ZNF519: variants seen among roughly 807,000 people sequenced by gnomAD.
ZNF519 encodes the protein similar to Zinc finger protein 85 (Zinc finger protein HPF4) (HTF1).
Under a neutral mutation model 7.4 loss-of-function variants are expected in ZNF519, and 7 were observed. The observed-to-expected ratio is 0.94, with a 90% confidence interval of 0.54 to 1.77. ZNF519 has a LOEUF of 1.77. Ranked by LOEUF, ZNF519 falls within the 40% of genes most tolerant of loss-of-function variation. The pLI is 0.00. For synonymous variants in ZNF519, 179 were observed against 203.3 expected, an observed-to-expected ratio of 0.88 and a Z score of 1.02; for missense variants, 586 against 623.1, an observed-to-expected ratio of 0.94 and a Z score of 0.63.
rs1012650441 is a variant in ZNF519, at chr18:14,132,388, A to G, written c.-111T>C. The G allele has an allele frequency of 5.0e-6, 7 of 1,391,850 alleles. No individual in the cohort carries two copies. The Admixed American group carries it at 7.1e-5, about 14-fold the overall frequency. The allele number at this position is 1,391,850 out of a possible 1,614,324, so 86.2% of individuals were successfully genotyped here. On this transcript the variant is annotated 5_prime_UTR_variant, in exon 1 of 3. Transcript: ENST00000590202. ...TCACCGAAGTCTCCCGGAGCAGAGG[A>G]CACAAGGCAATGAAGCCCTAACCCC... is the stretch of plus-strand genomic sequence containing the variant.
Position 14,117,689 on chromosome 18 carries a change from C to T in ZNF519, c.130+6661G>A, listed in dbSNP as rs537929642. The stretch of plus-strand genomic sequence containing the variant: ...AGCATAGCAGCTTCTGCTTCTGTGT[C>T]GGCCTCAAAAAGCTTCCAATCACAG... On this transcript the variant is annotated intron_variant, in intron 2 of 2. Coordinates refer to ENST00000590202, the MANE Select transcript of ZNF519 (RefSeq NM_145287.4). 2.3e-4 allele frequency among the ~76,000 whole-genome samples: 35 copies of T among 152,218 alleles called. 1 individual carries two copies. The highest frequency in any genetic ancestry group is 5.8e-4 in the African/African-American group (24 of 41,508).
intron 2 of ZNF519, among the ~76,000 whole-genome samples, chr18:14,113,194 T>C (rs955940977): frequency 6.6e-6 from 1 of 152,186 alleles, no homozygotes; most frequent in South Asian, 2.1e-4. Flanking sequence ...AAATAAATCT[T>C]TGAACCCCCA....
chr18:14,129,709 C>A (rs907804238), intron 1 of ZNF519, among the ~76,000 whole-genome samples: 1 of 152,160 alleles, frequency 6.6e-6, no homozygotes, highest in African/African-American at 2.4e-5. Flanking sequence ...CAGCATAGAT[C>A]CCACAAGTTC....
intron 2 of ZNF519, among the ~76,000 whole-genome samples, chr18:14,117,245 GAGTA>G (rs1389351505): frequency 2.6e-5 from 4 of 152,178 alleles, no homozygotes; most frequent in Admixed American, 6.5e-5. Flanking sequence ...CAACAACAAA[GAGTA>G]AGTAACATGA....
At chr18:14,130,265 A>G (rs1210676384) in intron 1 of ZNF519, among the ~76,000 whole-genome samples, 2 of 151,508 alleles carry the variant, frequency 1.3e-5, no homozygotes, top group Non-Finnish European at 2.9e-5. Context: ...TCAACATTCA[A>G]TCTCTCTTTA....
intron 2 of ZNF519, among the ~76,000 whole-genome samples, chr18:14,091,527 G>C (rs1163866800): frequency 6.6e-6 from 1 of 152,174 alleles, no homozygotes; most frequent in East Asian, 1.9e-4. Flanking sequence ...GGGGGTACAG[G>C]AGTAACATGA....
chr18:14,085,856 C>T (rs1210622213), intron 2 of ZNF519, among the ~76,000 whole-genome samples: 1 of 152,218 alleles, frequency 6.6e-6, no homozygotes, highest in Non-Finnish European at 1.5e-5. Context: ...AAACTGCAGC[C>T]CCAATAGGAC....
downstream of ZNF519, among the ~76,000 whole-genome samples, chr18:14,098,200 G>A (rs1417230601): frequency 1.4e-5 from 2 of 143,198 alleles, no homozygotes; most frequent in Admixed American, 1.4e-4. Flanking sequence ...TCACTCTGCT[G>A]CCCATGCTGG....
rs987758512 is a variant in ZNF519, at chr18:14,104,786, T to C, written c.*131A>G. On this transcript the variant is annotated 3_prime_UTR_variant, in exon 3 of 3. Coordinates refer to ENST00000590202, the MANE Select transcript of ZNF519 (RefSeq NM_145287.4). ...CTAAAGTGACACTTCTAATTTTTATTTAATCTTCATTTTGATGTTTCAAAA... is the reference window on the plus strand; with the variant it reads ...CTAAAGTGACACTTCTAATTTTTATCTAATCTTCATTTTGATGTTTCAAAA... 1 of 1,055,838 alleles carries C rather than the reference T, an allele frequency of 9.5e-7. No individual in the cohort carries two copies. 65.4% of individuals were successfully genotyped at this position (1,055,838 alleles called of 1,614,324 possible). A position where few individuals can be genotyped will look rare whatever the true frequency, so the allele number is the denominator to read the frequency against.
intron 2 of ZNF519, among the ~76,000 whole-genome samples, chr18:14,087,357 G>C (rs972888825): frequency 1.3e-5 from 2 of 152,140 alleles, no homozygotes; most frequent in Non-Finnish European, 2.9e-5. Context: ...GTAAGAAAAA[G>C]AAATAAAAGG....
At chr18:14,094,147 A>G (rs1404396482) in intron 2 of ZNF519, among the ~76,000 whole-genome samples, 1 of 152,228 alleles carries the variant, frequency 6.6e-6, no homozygotes, top group Non-Finnish European at 1.5e-5. Context: ...TTTATGTGGC[A>G]GAAAGGAAAC....
chr18:14,124,066 G>A (rs1333910116), intron 2 of ZNF519: 17 of 177,802 alleles, frequency 9.6e-5, no homozygotes, highest in African/African-American at 2.9e-4. Context: ...CCAGCTATTC[G>A]GGAGGTTGAG....
chr18:14,117,922 T>G (rs1209828014), intron 2 of ZNF519, among the ~76,000 whole-genome samples: 1 of 152,142 alleles, frequency 6.6e-6, no homozygotes, highest in African/African-American at 2.4e-5. Flanking sequence ...CCTCCAACAT[T>G]AGAAACTGCA....
At chr18:14,095,470 A>G (rs1035890764), downstream of ZNF519, among the ~76,000 whole-genome samples, 26 of 152,372 alleles carry the variant, frequency 1.7e-4, no homozygotes, top group African/African-American at 5.1e-4. Flanking sequence ...CAAAGCCCAC[A>G]GCTGCAAAGA....
At position 14,115,390 on chromosome 18, in the gene ZNF519, A is replaced by AT. The variant is rs1242345988; in HGVS notation, c.130+8959dup. On this transcript the variant is annotated intron_variant, in intron 2 of 2. Coordinates refer to ENST00000590202, the MANE Select transcript of ZNF519 (RefSeq NM_145287.4). ...ATGGCTATACATATTTTACATCAAT[A>AT]TAAGAAGCAATCCTAAAAATTATAT... Among the ~76,000 whole-genome samples the AT allele has an allele frequency of 4.9e-4, 75 of 152,352 alleles. 1 individual carries two copies. The highest frequency in any genetic ancestry group is 1.7e-3 in the African/African-American group (69 of 41,570).
chr18:14,087,882 T>C (rs531188092), intron 2 of ZNF519, among the ~76,000 whole-genome samples: 9 of 151,860 alleles, frequency 5.9e-5, no homozygotes, highest in South Asian at 4.2e-4. Context: ...GGAGGTGAGA[T>C]TGACCATGCA....
intron 1 of ZNF519, among the ~76,000 whole-genome samples, chr18:14,128,690 A>AACACACAC (rs71366097): frequency 0.027 from 3,454 of 130,156 alleles, 137 homozygotes; most frequent in East Asian, 0.06. Context: ...TTCTGAGTCA[A>AACACACAC]ACACACACAC....
downstream of ZNF519, among the ~76,000 whole-genome samples, chr18:14,096,478 C>T (rs1296682531): frequency 1.3e-5 from 2 of 152,100 alleles, no homozygotes; most frequent in Admixed American, 1.3e-4. Flanking sequence ...CTCTTCTGAC[C>T]TTCCCAGGAC....
At chr18:14,086,734 G>T (rs2046092044) in intron 2 of ZNF519, among the ~76,000 whole-genome samples, 1 of 152,150 alleles carries the variant, frequency 6.6e-6, no homozygotes, top group African/African-American at 2.4e-5. Context: ...AGGCCAGAAC[G>T]ACAAAGCAAC....
Sources: allele counts gnomAD v4.1 joint callset (sites outside exome capture counted in the v4.1 genomes callset), GRCh38; gene constraint gnomAD v4.1.1; transcripts MANE v1.5; gene names NCBI Gene and HGNC (gene_info 2026-07-23, HGNC 2026-07-21).